The following COG5 variants were observed in gnomAD, a reference collection of about 807,000 sequenced individuals.
COG5 encodes conserved oligomeric Golgi complex subunit 5.
Under a neutral mutation model 110.4 loss-of-function variants are expected in COG5, and 86 were observed. The observed-to-expected ratio is 0.78, with a 90% CI of 0.65 to 0.93. COG5 has a LOEUF of 0.93. Among genes scored for constraint, COG5 ranks in the 40% least tolerant of loss-of-function variants. COG5 has a pLI of 0.00. For synonymous variants in COG5, 360 were observed against 334.6 expected (o/e 1.08, Z -0.83); for missense variants, 1,077 against 987.0 (o/e 1.09, Z -1.22).
intron 7 of COG5, among the ~76,000 whole-genome samples, chr7:107,399,898 A>G (rs756278913): frequency 1.3e-5 from 2 of 152,216 alleles, no homozygotes; most frequent in Non-Finnish European, 2.9e-5. Context: ...CTAAAATTAA[A>G]AAGACTGCTA....
Position 107,487,491 on chromosome 7 carries a change from G to A in COG5, c.538+39746C>T, listed in dbSNP as rs77317926. 1.1e-3 allele frequency among the ~76,000 whole-genome samples: 173 copies of A among 152,112 alleles called. 1 individual carries two copies. Among genetic ancestry groups the A allele is most frequent in the African/African-American group, 3.9e-3 (160 of 41,506 alleles). On this transcript the variant is annotated intron_variant, in intron 6 of 21. Transcript: ENST00000297135. ...TATCAGGATTAAGGTGTGAGGCACC[G>A]TGCCTGGCTAGCAAATAATTTTTAA...
chr7:107,202,615 G>A lies in COG5; in HGVS notation c.*901C>T, dbSNP rs942023929. Reference sequence around the variant, plus strand: ...GAATAACAGGTTCAGGAGATGAGATGGAAAACATAAGGCAAATTCCTAACA... The same window carrying A: ...GAATAACAGGTTCAGGAGATGAGATAGAAAACATAAGGCAAATTCCTAACA... On this transcript the variant is annotated 3_prime_UTR_variant, in exon 22 of 22. Coordinates refer to ENST00000297135, the MANE Select transcript of COG5 (RefSeq NM_006348.5). The A allele has an allele frequency of 6.6e-6, 1 of 152,258 alleles. No homozygotes were observed. The highest frequency in any genetic ancestry group is 2.4e-5 in the African/African-American group (1 of 41,378). 9.4% of individuals were successfully genotyped at this position (152,258 alleles called of 1,614,324 possible).
intron 6 of COG5, among the ~76,000 whole-genome samples, chr7:107,428,296 A>C (rs1321031555): frequency 6.6e-6 from 1 of 152,036 alleles, no homozygotes; most frequent in Non-Finnish European, 1.5e-5. Flanking sequence ...TCCTAGTTAA[A>C]ATAAAGTTAA....
chr7:107,496,269 T>C (rs1213698013), intron 6 of COG5, among the ~76,000 whole-genome samples: 10 of 152,106 alleles, frequency 6.6e-5, no homozygotes, highest in African/African-American at 2.2e-4. Flanking sequence ...CTCAACAATA[T>C]ACTAGCAAAC....
At chr7:107,286,996 G>A (rs1805696816) in intron 12 of COG5, among the ~76,000 whole-genome samples, 2 of 152,146 alleles carry the variant, frequency 1.3e-5, no homozygotes, top group Non-Finnish European at 2.9e-5. Flanking sequence ...GGTTTTATTG[G>A]GGAATAACAT....
intron 6 of COG5, among the ~76,000 whole-genome samples, chr7:107,520,181 C>G (rs142998777): frequency 0.014 from 2,189 of 152,184 alleles, 58 homozygotes; most frequent in African/African-American, 0.049. Flanking sequence ...AAACCCATAG[C>G]CAATATCATA....
chr7:107,483,015 T>G (rs1797441079), intron 6 of COG5, among the ~76,000 whole-genome samples: 2 of 152,204 alleles, frequency 1.3e-5, no homozygotes, highest in Non-Finnish European at 2.9e-5. Context: ...GTATTTTGTA[T>G]GTTTTGAAGA....
At chr7:107,427,213 G>A (rs1793697862) in intron 6 of COG5, among the ~76,000 whole-genome samples, 1 of 152,124 alleles carries the variant, frequency 6.6e-6, no homozygotes, top group African/African-American at 2.4e-5. Flanking sequence ...GAGGTCATGA[G>A]GTAAGGAAAA....
intron 6 of COG5, among the ~76,000 whole-genome samples, chr7:107,484,009 T>C (rs2129122789): frequency 6.6e-6 from 1 of 152,190 alleles, no homozygotes; most frequent in Non-Finnish European, 1.5e-5. Context: ...GAAGCAAAAC[T>C]GGTAAATGTT....
At chr7:107,238,113 C>G (rs1387339461) in intron 17 of COG5, among the ~76,000 whole-genome samples, 1 of 152,100 alleles carries the variant, frequency 6.6e-6, no homozygotes, top group African/African-American at 2.4e-5. Context: ...TTTATTCCTC[C>G]TAACTGCAAC....
chr7:107,397,678 C>CTGCAGTTCA (rs1791114208), intron 7 of COG5, among the ~76,000 whole-genome samples: 1 of 152,146 alleles, frequency 6.6e-6, no homozygotes, highest in Non-Finnish European at 1.5e-5. Flanking sequence ...TCAAAAGAAA[C>CTGCAGTTCA]TGCAGTTCAG....
At chr7:107,309,256 A>G (rs971573052) in intron 11 of COG5, among the ~76,000 whole-genome samples, 1 of 152,148 alleles carries the variant, frequency 6.6e-6, no homozygotes, top group African/African-American at 2.4e-5. Flanking sequence ...CCCACACTAC[A>G]CACACAACAG....
intron 10 of COG5, among the ~76,000 whole-genome samples, chr7:107,359,110 G>A (rs1316734314): frequency 6.6e-6 from 1 of 152,176 alleles, no homozygotes; most frequent in African/African-American, 2.4e-5. Flanking sequence ...CATGGCTACA[G>A]CTGCAGCTGC....
rs182149628 is a variant in COG5 at position 107,549,651 on chromosome 7, C to G, written c.293-1319G>C. On this transcript the variant is annotated intron_variant, in intron 3 of 21. Transcript: ENST00000297135. ...CCTCCTGACCTCGTGATCCACCCAC[C>G]TTGGCCTCCGAAAGTGCTGGGATTA... Among the ~76,000 whole-genome samples the G allele has an allele frequency of 5.7e-3, 865 of 151,792 alleles. 13 individuals are homozygous for G. Among genetic ancestry groups the G allele is most frequent in the African/African-American group, 0.02 (830 of 41,378 alleles).
At chr7:107,520,700 G>A (rs1320211022) in intron 6 of COG5, among the ~76,000 whole-genome samples, 1 of 152,168 alleles carries the variant, frequency 6.6e-6, no homozygotes. Flanking sequence ...AATCAATACT[G>A]TGAAAATGGC....
At position 107,504,470 on chromosome 7, in the gene COG5, T is replaced by C. The variant is rs73417488; in HGVS notation, c.538+22767A>G. Among the ~76,000 whole-genome samples the C allele has an allele frequency of 4.3e-3, 656 of 152,300 alleles. 7 individuals are homozygous for C. The highest frequency in any genetic ancestry group is 0.015 in the African/African-American group (621 of 41,568). The stretch of plus-strand genomic sequence containing the variant: ...GCTCTGTAGTTTTCTTTTTTTGTTA[T>C]GTCCTTTCTGAGTTTTGGTATCAGG... On this transcript the variant is annotated intron_variant, in intron 6 of 21. Transcript: ENST00000297135.
intron 7 of COG5, among the ~76,000 whole-genome samples, chr7:107,400,110 T>C (rs928360145): frequency 6.6e-6 from 1 of 152,192 alleles, no homozygotes; most frequent in Admixed American, 6.5e-5. Context: ...AGACTTGTAC[T>C]TGAGTGTTAA....
chr7:107,448,158 AAAT>A (rs1003590167), intron 6 of COG5, among the ~76,000 whole-genome samples: 2 of 152,104 alleles, frequency 1.3e-5, no homozygotes, highest in South Asian at 2.1e-4. Flanking sequence ...TCTGTCTCAA[AAAT>A]AATAATAATA....
chr7:107,480,499 G>C (rs2129119464), intron 6 of COG5, among the ~76,000 whole-genome samples: 1 of 152,142 alleles, frequency 6.6e-6, no homozygotes, highest in South Asian at 2.1e-4. Flanking sequence ...TATCGTAAAA[G>C]AGAAAGTAAG....
Sources: allele counts gnomAD v4.1 joint callset (sites outside exome capture counted in the v4.1 genomes callset), GRCh38; gene constraint gnomAD v4.1.1; transcripts MANE v1.5; gene names NCBI Gene and HGNC (gene_info 2026-07-23, HGNC 2026-07-21).